GAS2: variants seen among roughly 807,000 people sequenced by gnomAD.
GAS2 encodes the protein growth arrest-specific protein 2.
In GAS2, 20 loss-of-function variants were observed where a neutral mutation model predicts 37.5. The ratio of observed to expected loss-of-function variants is 0.53; its 90% confidence interval spans 0.37 to 0.77. The LOEUF (loss-of-function observed/expected upper bound fraction) is 0.77, where lower values mean the gene tolerates loss of function less well. Among genes scored for constraint, GAS2 ranks in the 30% least tolerant of loss-of-function variants. GAS2 has a pLI of 0.00. For synonymous variants in GAS2, 144 were observed against 132.2 expected (o/e 1.09, Z -0.61); for missense variants, 336 against 373.4 (o/e 0.90, Z 0.82).
At chr11:22,752,635 A>G (rs1853804456) in intron 6 of GAS2, among the ~76,000 whole-genome samples, 1 of 151,682 alleles carries the variant, frequency 6.6e-6, no homozygotes, top group African/African-American at 2.4e-5. Flanking sequence ...ATTATCTGCC[A>G]CCCCAAAAAA....
intron 3 of GAS2, among the ~76,000 whole-genome samples, chr11:22,710,018 AG>A (rs1471020486): frequency 2.9e-5 from 2 of 68,222 alleles, no homozygotes; most frequent in Non-Finnish European, 5.6e-5. Flanking sequence ...GTTGTGGGGT[AG>A]GGGGAGGGGG....
Position 22,737,750 on chromosome 11 carries a change from T to C in GAS2, c.455T>C (p.Leu152Pro). Reference protein sequence around the residue: ...PREVCLCLLELGRIAARYGVE... With the variant: ...PREVCLCLLEPGRIAARYGVE... Reference sequence around the variant, plus strand: ...GAAGTGTGTCTCTGTCTGCTAGAGCTTGGCCGGATTGCAGCCAGGTAGGTC... The same window carrying C: ...GAAGTGTGTCTCTGTCTGCTAGAGCCTGGCCGGATTGCAGCCAGGTAGGTC... The change falls in exon 5 of 8, where the codon CTT becomes CCT. Residue 152 changes from leucine (L) to proline (P), a missense_variant. Coordinates refer to ENST00000454584, the MANE Select transcript of GAS2 (RefSeq NM_001143830.3). 1 of 1,614,160 alleles carries C rather than the reference T, an allele frequency of 6.2e-7. No homozygotes were observed. Among genetic ancestry groups the C allele is most frequent in the Non-Finnish European group, 8.5e-7 (1 of 1,180,000 alleles).
chr11:22,671,894 T>C (rs1247012197), intron 1 of GAS2, among the ~76,000 whole-genome samples: 2 of 152,136 alleles, frequency 1.3e-5, no homozygotes, highest in African/African-American at 2.4e-5. Flanking sequence ...ATGTTTCGTA[T>C]TCATGGATTA....
chr11:22,759,540 G>C (rs1854254498), intron 7 of GAS2, among the ~76,000 whole-genome samples: 1 of 152,154 alleles, frequency 6.6e-6, no homozygotes, highest in Admixed American at 6.6e-5. Context: ...ACTTTCCAAA[G>C]AGCAACATTG....
intron 3 of GAS2, among the ~76,000 whole-genome samples, chr11:22,717,856 C>A (rs1398444681): frequency 6.6e-6 from 1 of 151,940 alleles, no homozygotes; most frequent in African/African-American, 2.4e-5. Context: ...AAATGGCCAA[C>A]AAACATCTGA....
intron 7 of GAS2, among the ~76,000 whole-genome samples, chr11:22,756,439 C>T (rs150285956): frequency 1.3e-5 from 2 of 152,168 alleles, no homozygotes; most frequent in African/African-American, 2.4e-5. Context: ...AAGCTATATT[C>T]TTTCCTCAGT....
At chr11:22,754,599 G>T (rs1853922679) in intron 6 of GAS2, among the ~76,000 whole-genome samples, 1 of 151,212 alleles carries the variant, frequency 6.6e-6, no homozygotes. Flanking sequence ...TAATTTCAGG[G>T]TTTTTTTCCT....
chr11:22,663,899 G>A (rs890564523), upstream of GAS2, among the ~76,000 whole-genome samples: 3 of 152,138 alleles, frequency 2.0e-5, no homozygotes, highest in Non-Finnish European at 2.9e-5. Flanking sequence ...TTATATTATA[G>A]ACTAAGATGC....
chr11:22,675,315 C>T (rs533301611), intron 2 of GAS2, among the ~76,000 whole-genome samples: 1 of 152,160 alleles, frequency 6.6e-6, no homozygotes, highest in African/African-American at 2.4e-5. Context: ...TTTCATGCAG[C>T]TGACCAATTT....
At chr11:22,679,738 T>C (rs1849590698) in intron 2 of GAS2, among the ~76,000 whole-genome samples, 1 of 152,150 alleles carries the variant, frequency 6.6e-6, no homozygotes. Context: ...GGATTATAGT[T>C]GTTAAACATG....
In GAS2 at chr11:22,638,881, C is replaced by A. The variant is rs187877324; in HGVS notation, c.-21+13068C>A. Among the ~76,000 whole-genome samples, 7 of 152,112 alleles carry A rather than the reference C, an allele frequency of 4.6e-5. No individual in the cohort carries two copies. In the East Asian group the frequency reaches 1.4e-3, roughly 29 times the overall value. On this transcript the variant is annotated intron_variant, in intron 1 of 5. Transcript: ENST00000528582. ...GAGGGTTTTTTCCTCATCCAGAAAT[C>A]TACTTTTTGGGAAATTTTTTGATCT...
At chr11:22,709,543 G>A (rs1406097341) in intron 3 of GAS2, among the ~76,000 whole-genome samples, 1 of 152,096 alleles carries the variant, frequency 6.6e-6, no homozygotes, top group Non-Finnish European at 1.5e-5. Context: ...TACTGTTCTT[G>A]GTCATTATTA....
chr11:22,638,556 G>A (rs1435563149), intron 1 of GAS2, among the ~76,000 whole-genome samples: 1 of 151,926 alleles, frequency 6.6e-6, no homozygotes, highest in Non-Finnish European at 1.5e-5. Context: ...ATGTTGGCCA[G>A]GTTGGTCTGG....
chr11:22,728,429 T>C (rs1356153792), intron 4 of GAS2, among the ~76,000 whole-genome samples: 1 of 151,892 alleles, frequency 6.6e-6, no homozygotes, highest in Non-Finnish European at 1.5e-5. Context: ...AAATGCATAC[T>C]CTATAACAAA....
rs35748356 is a variant in GAS2 at position 22,643,701 on chromosome 11, G to GA, written c.-21+17898dup. On this transcript the variant is annotated intron_variant, in intron 1 of 5. Coordinates refer to the GAS2 transcript ENST00000528582. ...TTTTTTCTAATGTTCAAACCACAAA[G>GA]AAAAAAAAAATACGGACCGGGTTCT... 7.9e-4 allele frequency among the ~76,000 whole-genome samples: 116 copies of GA among 145,934 alleles called. 1 individual carries two copies. Among genetic ancestry groups the GA allele is most frequent in the African/African-American group, 2.2e-3 (86 of 39,966 alleles).
At chr11:22,737,837 C>A in intron 5 of GAS2, 69 bp downstream of exon 5, 1 of 1,400,914 alleles carries the variant, frequency 7.1e-7, no homozygotes, top group Non-Finnish European at 1.0e-6. Context: ...CAGAAGCTTG[C>A]TGGCTTTTCA....
intron 3 of GAS2, among the ~76,000 whole-genome samples, chr11:22,699,077 C>T (rs1850693438): frequency 6.6e-6 from 1 of 152,164 alleles, no homozygotes; most frequent in African/African-American, 2.4e-5. Flanking sequence ...GTGTAAATAG[C>T]ATAGGCTGCT....
intron 7 of GAS2, among the ~76,000 whole-genome samples, chr11:22,759,495 A>G (rs1854250557): frequency 6.6e-6 from 1 of 152,228 alleles, no homozygotes; most frequent in South Asian, 2.1e-4. Flanking sequence ...CTAGCTTATG[A>G]AAAATAATTT....
chr11:22,737,215 A>G (rs1297092156), intron 4 of GAS2, among the ~76,000 whole-genome samples: 2 of 152,178 alleles, frequency 1.3e-5, no homozygotes, highest in African/African-American at 4.8e-5. Flanking sequence ...GGAGGATAAC[A>G]AAGGAATGTA....
Sources: gnomAD v4.1 joint callset for allele counts (sites outside exome capture counted in the v4.1 genomes callset) on GRCh38, gnomAD v4.1.1 for gene constraint, MANE v1.5 for transcripts, NCBI Gene and HGNC (gene_info 2026-07-23, HGNC 2026-07-21) for gene names.